The following ANKRD44 variants were observed in gnomAD, a reference collection of about 807,000 sequenced individuals.
ANKRD44 encodes the protein ankyrin repeat domain 44.
In ANKRD44, 35 loss-of-function variants were observed where a neutral mutation model predicts 116.0. That is an observed-to-expected ratio of 0.30 (90% CI 0.23 to 0.40). The LOEUF (loss-of-function observed/expected upper bound fraction) is 0.40, where lower values mean the gene tolerates loss of function less well. Ranked by LOEUF, ANKRD44 falls within the 10% of genes least tolerant of loss-of-function variation. The probability of loss-of-function intolerance (pLI) is 1.00; values close to 1 mark genes in which losing one functional copy is unlikely to be tolerated. For missense variants in ANKRD44, 1,014 were observed against 1,242.6 expected, an observed-to-expected ratio of 0.82 and a Z score of 2.77; for synonymous variants, 435 against 461.8, an observed-to-expected ratio of 0.94 and a Z score of 0.74.
intron 13 of ANKRD44, among the ~76,000 whole-genome samples, chr2:197,086,469 T>A (rs2077926400): frequency 6.6e-6 from 1 of 152,042 alleles, no homozygotes; most frequent in African/African-American, 2.4e-5. Flanking sequence ...AATTGGCACA[T>A]CTAAACAGCA....
At chr2:196,972,117 A>G (rs1294106477) in intron 21 of ANKRD44, among the ~76,000 whole-genome samples, 1 of 152,184 alleles carries the variant, frequency 6.6e-6, no homozygotes, top group Non-Finnish European at 1.5e-5. Flanking sequence ...AGGAGTAGGA[A>G]GACAATGAGG....
In ANKRD44 at chr2:197,187,124, T is replaced by A; in HGVS notation, c.28-18A>T. 1 of 1,612,944 alleles carries A rather than the reference T, an allele frequency of 6.2e-7. No individual in the cohort carries two copies. The highest frequency in any genetic ancestry group is 8.5e-7 in the Non-Finnish European group (1 of 1,179,040). On this transcript the variant is annotated intron_variant, in intron 1 of 27. Coordinates refer to ENST00000282272, the MANE Select transcript of ANKRD44 (RefSeq NM_001195144.2). ...AATGGTGGCTGCAAACACAAGAGAA[T>A]GGGAATCAGAACTAAAATTAATACA... is the stretch of plus-strand genomic sequence containing the variant.
intron 16 of ANKRD44, among the ~76,000 whole-genome samples, chr2:197,033,582 C>T (rs950167688): frequency 6.6e-6 from 1 of 151,904 alleles, no homozygotes; most frequent in Non-Finnish European, 1.5e-5. Flanking sequence ...TTCCAATCAA[C>T]TGATAAGCTG....
chr2:197,273,073 C>CT (rs1052351132), intron 1 of ANKRD44, among the ~76,000 whole-genome samples: 5 of 152,026 alleles, frequency 3.3e-5, no homozygotes, highest in Non-Finnish European at 5.9e-5. Context: ...CCAATACAAA[C>CT]TTTTTTTTCT....
chr2:197,247,349 A>G (rs2082215442), intron 1 of ANKRD44, among the ~76,000 whole-genome samples: 1 of 152,188 alleles, frequency 6.6e-6, no homozygotes, highest in Non-Finnish European at 1.5e-5. Context: ...TGGGTGGGGT[A>G]GCTGGGCATA....
chr2:197,048,677 T>C (rs1247396706), intron 16 of ANKRD44, among the ~76,000 whole-genome samples: 2 of 152,260 alleles, frequency 1.3e-5, no homozygotes, highest in African/African-American at 4.8e-5. Context: ...TATGACAGCA[T>C]GATTTATAAT....
At chr2:197,114,595 T>C (rs2078665678) in intron 8 of ANKRD44, among the ~76,000 whole-genome samples, 1 of 152,228 alleles carries the variant, frequency 6.6e-6, no homozygotes, top group African/African-American at 2.4e-5. Flanking sequence ...CCTTCTTTCC[T>C]CATCTTCCAA....
At chr2:197,269,763 C>A (rs1394895337) in intron 1 of ANKRD44, among the ~76,000 whole-genome samples, 1 of 151,974 alleles carries the variant, frequency 6.6e-6, no homozygotes, top group African/African-American at 2.4e-5. Context: ...GGTATAAGTA[C>A]CCTGGGACCA....
intron 1 of ANKRD44, among the ~76,000 whole-genome samples, chr2:197,244,283 T>C (rs552790196): frequency 1.3e-5 from 2 of 152,330 alleles, no homozygotes; most frequent in African/African-American, 4.8e-5. Flanking sequence ...CTACGTATAG[T>C]GTAATGGGAA....
chr2:197,126,467 A>G (rs562337916), intron 4 of ANKRD44, among the ~76,000 whole-genome samples: 3 of 152,346 alleles, frequency 2.0e-5, no homozygotes, highest in East Asian at 1.9e-4. Context: ...CGTGTGATCA[A>G]TAAGTGGTCA....
intron 16 of ANKRD44, among the ~76,000 whole-genome samples, chr2:197,057,942 TA>T (rs2077235289): frequency 3.3e-5 from 5 of 152,202 alleles, no homozygotes; most frequent in Admixed American, 2.0e-4. Context: ...GAAATATGTC[TA>T]GGGGTTGGCA....
At chr2:197,090,295 A>T (rs552641338) in intron 10 of ANKRD44, among the ~76,000 whole-genome samples, 1 of 152,212 alleles carries the variant, frequency 6.6e-6, no homozygotes, top group Admixed American at 6.5e-5. Context: ...TGTTTCACAT[A>T]AAGCATGACT....
At chr2:196,969,488 T>C (rs1023203075) in intron 21 of ANKRD44, among the ~76,000 whole-genome samples, 6 of 152,096 alleles carry the variant, frequency 3.9e-5, no homozygotes, top group Non-Finnish European at 8.8e-5. Flanking sequence ...CAAACTGTCG[T>C]TTGGTATGTG....
chr2:197,081,560 T>C (rs1183538572), intron 15 of ANKRD44, 85 bp downstream of exon 15: 1 of 1,237,182 alleles, frequency 8.1e-7, no homozygotes. Context: ...AACCCCAAAA[T>C]AGTAAGGCAG....
Position 197,211,531 on chromosome 2 carries a change from TAC to T in ANKRD44, c.28-24427_28-24426del, listed in dbSNP as rs1187662070. Among the ~76,000 whole-genome samples, 4 of 152,216 alleles carry T rather than the reference TAC, an allele frequency of 2.6e-5. No homozygotes were observed. In the East Asian group the frequency reaches 5.8e-4, roughly 22 times the overall value. On this transcript the variant is annotated intron_variant, in intron 1 of 27. Coordinates refer to ENST00000282272, the MANE Select transcript of ANKRD44 (RefSeq NM_001195144.2). ...TTTAACTTAACATTCACATGAATTT[TAC>T]AGTCTAGTGCTGCCTTAAGATATCC...
intron 16 of ANKRD44, among the ~76,000 whole-genome samples, chr2:197,045,085 C>A (rs944859849): frequency 1.7e-5 from 2 of 116,256 alleles, no homozygotes; most frequent in Admixed American, 1.9e-4. Flanking sequence ...AGCTGGATTT[C>A]TTTCTTCTTT....
chr2:197,173,015 T>G (rs999547412), intron 2 of ANKRD44, among the ~76,000 whole-genome samples: 4 of 152,222 alleles, frequency 2.6e-5, no homozygotes, highest in Non-Finnish European at 5.9e-5. Flanking sequence ...TTAAAATTGT[T>G]TTTCCATACT....
Position 196,989,164 on chromosome 2 carries a change from A to G in ANKRD44, c.*427T>C. ...TTTTTTTTGTTATTCTAAATAAGAT[A>G]CATAGCAATTAAAATAGAGAACAAA... On this transcript the variant is annotated 3_prime_UTR_variant, in exon 28 of 28. Transcript: ENST00000282272. 1.0e-6 allele frequency: 1 copy of G among 983,852 alleles called. No homozygotes were observed. The highest frequency in any genetic ancestry group is 1.2e-6 in the Non-Finnish European group (1 of 828,676). The allele number at this position is 983,852 out of a possible 1,614,324, so 60.9% of individuals were successfully genotyped here. A position where few individuals can be genotyped will look rare whatever the true frequency, so the allele number is the denominator to read the frequency against.
At chr2:197,249,171 G>GGCTACTA (rs2082262737) in intron 1 of ANKRD44, among the ~76,000 whole-genome samples, 3 of 152,204 alleles carry the variant, frequency 2.0e-5, no homozygotes, top group Non-Finnish European at 4.4e-5. Context: ...TACTTGAGAG[G>GGCTACTA]CTGAGGCTGG....
Sources: gnomAD v4.1 joint callset for allele counts (sites outside exome capture counted in the v4.1 genomes callset) on GRCh38, gnomAD v4.1.1 for gene constraint, MANE v1.5 for transcripts, NCBI Gene and HGNC (gene_info 2026-07-23, HGNC 2026-07-21) for gene names.